Variants in DACH1 observed in about 807,000 individuals in gnomAD.
The protein encoded by DACH1 is dachshund homolog 1.
DACH1 carries 12 observed loss-of-function variants against 54.2 expected under a neutral mutation model. The observed-to-expected ratio is 0.22, with a 90% CI of 0.14 to 0.36. The LOEUF (loss-of-function observed/expected upper bound fraction) is 0.36. DACH1 is among the 10% of genes least tolerant of loss of function. DACH1 has a pLI of 1.00. For missense variants in DACH1, 805 were observed against 929.8 expected (o/e 0.87, Z 1.75); for synonymous variants, 386 against 366.2 (o/e 1.05, Z -0.62).
At chr13:71,444,670 G>T (rs949088226) in intron 10 of DACH1, among the ~76,000 whole-genome samples, 3 of 151,894 alleles carry the variant, frequency 2.0e-5, no homozygotes, top group Non-Finnish European at 4.4e-5. Flanking sequence ...GAATCCAGGA[G>T]CAAAAAAATG....
At chr13:71,797,717 G>T (rs946011472) in intron 1 of DACH1, among the ~76,000 whole-genome samples, 9 of 152,034 alleles carry the variant, frequency 5.9e-5, no homozygotes, top group Non-Finnish European at 1.2e-4. Context: ...AATGTTCCGA[G>T]ATATTTATTT....
At chr13:71,780,014 G>A (rs946060990) in intron 1 of DACH1, among the ~76,000 whole-genome samples, 2 of 151,928 alleles carry the variant, frequency 1.3e-5, no homozygotes, top group Admixed American at 6.6e-5. Context: ...AGGAATGAAT[G>A]AATGAATGAA....
chr13:71,463,724 G>T (rs191074110), intron 10 of DACH1, among the ~76,000 whole-genome samples: 4 of 152,076 alleles, frequency 2.6e-5, no homozygotes, highest in African/African-American at 9.6e-5. Context: ...GGAAGTATTA[G>T]ATGATGTTCT....
intron 1 of DACH1, among the ~76,000 whole-genome samples, chr13:71,715,683 G>C (rs1194210514): frequency 2.0e-5 from 3 of 151,728 alleles, no homozygotes; most frequent in Non-Finnish European, 4.4e-5. Flanking sequence ...TATTTCCAAT[G>C]AGAACGAGAT....
In DACH1 at chr13:71,866,872, G is replaced by C; in HGVS notation, c.-103C>G. On this transcript the variant is annotated 5_prime_UTR_variant, in exon 1 of 11. Transcript: ENST00000613252. ...AAAAGGGGGGAGAAGGAGCGAGGGG[G>C]GCAACAACAACTCCGGGAGAGAACG... 9 of 755,474 alleles carry C rather than the reference G, an allele frequency of 1.2e-5. No homozygotes were observed. The highest frequency in any genetic ancestry group is 1.3e-4 in the East Asian group (2 of 15,316). The allele number at this position is 755,474 out of a possible 1,614,324, so 46.8% of individuals were successfully genotyped here. A position where few individuals can be genotyped will look rare whatever the true frequency, so the allele number is the denominator to read the frequency against.
chr13:71,560,041 C>A (rs977476141), intron 4 of DACH1, 86 bp from the exon 5 acceptor site: 4 of 1,354,984 alleles, frequency 3.0e-6, no homozygotes, highest in Admixed American at 3.2e-5. Flanking sequence ...TTTCTCAATA[C>A]AATAAGAAAT....
intron 1 of DACH1, among the ~76,000 whole-genome samples, chr13:71,742,281 T>A (rs1884422375): frequency 6.6e-6 from 1 of 152,338 alleles, no homozygotes; most frequent in Non-Finnish European, 1.5e-5. Flanking sequence ...AACAGACTAA[T>A]ACATAGCCCC....
intron 6 of DACH1, among the ~76,000 whole-genome samples, chr13:71,551,270 G>C (rs765123917): frequency 3.9e-5 from 6 of 151,938 alleles, no homozygotes; most frequent in Non-Finnish European, 8.8e-5. Flanking sequence ...GTAGAATTGG[G>C]ATATCCATCA....
intron 10 of DACH1, chr13:71,464,617 G>C (rs1233569119): frequency 6.7e-6 from 3 of 447,368 alleles, no homozygotes; most frequent in South Asian, 4.9e-5. Context: ...TTAGACCCAT[G>C]CAAATATTTT....
chr13:71,634,064 C>T (rs561027769), intron 2 of DACH1, among the ~76,000 whole-genome samples: 1 of 151,934 alleles, frequency 6.6e-6, no homozygotes, highest in African/African-American at 2.4e-5. Context: ...CCTCCGCCTC[C>T]AGGGTTCAAG....
chr13:71,700,565 C>CAAA (rs1211164206), intron 1 of DACH1, among the ~76,000 whole-genome samples: 8 of 58,754 alleles, frequency 1.4e-4, no homozygotes, highest in African/African-American at 4.8e-4. Context: ...GACTCCATCT[C>CAAA]AAAAAAAAAA....
intron 6 of DACH1, among the ~76,000 whole-genome samples, chr13:71,552,871 A>AGAGAGAGAGAGG (rs1883967372): frequency 7.5e-6 from 1 of 133,330 alleles, no homozygotes; most frequent in South Asian, 2.4e-4. Context: ...AGAGAGAGAG[A>AGAGAGAGAGAGG]GAGAGAGAGA....
rs1180408046 is a variant in DACH1 at position 71,732,616 on chromosome 13, GT to G, written c.849-50707del. On this transcript the variant is annotated intron_variant, in intron 1 of 10. Transcript: ENST00000613252. ...AAAAAAAAAAAAAGTCACCAATTGG[GT>G]CCCTCTTCTCTAGAGCAGAGGTCAG... Among the ~76,000 whole-genome samples, 5 of 150,670 alleles carry G rather than the reference GT, an allele frequency of 3.3e-5. No individual in the cohort carries two copies. In the Admixed American group the frequency reaches 3.3e-4, roughly 10 times the overall value.
chr13:71,866,185 C>T lies in DACH1; in HGVS notation c.585G>A (p.Gly195=), dbSNP rs1874742733. The T allele has an allele frequency of 6.2e-7, 1 of 1,612,790 alleles. No homozygotes were observed. The highest frequency in any genetic ancestry group is 8.5e-7 in the Non-Finnish European group (1 of 1,179,430). The stretch of plus-strand genomic sequence containing the variant: ...CCACCGTGAAGGAAGCCACTTTGGC[C>T]CCCCTCAGATCCACCATTTTGCACT... ...NNECKMVDLR[G]AKVASFTVEG... The change falls in exon 1 of 11, where the codon GGG becomes GGA. Residue 195 remains glycine (G), a synonymous_variant. Transcript: ENST00000613252.
intron 2 of DACH1, among the ~76,000 whole-genome samples, chr13:71,666,019 G>T (rs111434690): frequency 6.6e-6 from 1 of 152,036 alleles, no homozygotes; most frequent in Non-Finnish European, 1.5e-5. Context: ...AGTTAGTTAT[G>T]AATTGTTTGC....
At chr13:71,653,236 A>T (rs1878810672) in intron 2 of DACH1, among the ~76,000 whole-genome samples, 1 of 152,196 alleles carries the variant, frequency 6.6e-6, no homozygotes, top group Non-Finnish European at 1.5e-5. Flanking sequence ...CTCAAAAGAA[A>T]CACACTCTTC....
chr13:71,849,617 C>A (rs1873529690), intron 1 of DACH1, among the ~76,000 whole-genome samples: 1 of 152,110 alleles, frequency 6.6e-6, no homozygotes, highest in African/African-American at 2.4e-5. Flanking sequence ...AGAAGTTGAA[C>A]CTGCTGGCCT....
At chr13:71,673,773 T>G (rs1047475902) in intron 2 of DACH1, among the ~76,000 whole-genome samples, 1 of 152,002 alleles carries the variant, frequency 6.6e-6, no homozygotes, top group African/African-American at 2.4e-5. Context: ...AAAAAAAGAG[T>G]AATATGTTCC....
chr13:71,456,019 C>T (rs967193205), intron 10 of DACH1, among the ~76,000 whole-genome samples: 4 of 151,974 alleles, frequency 2.6e-5, no homozygotes, highest in Non-Finnish European at 5.9e-5. Context: ...TGTCCTATTA[C>T]AAAAAACTGT....
Sources: gnomAD v4.1 joint callset for allele counts (sites outside exome capture counted in the v4.1 genomes callset) on GRCh38, gnomAD v4.1.1 for gene constraint, MANE v1.5 for transcripts, NCBI Gene and HGNC (gene_info 2026-07-23, HGNC 2026-07-21) for gene names.